UNC5D: variants seen among roughly 807,000 people sequenced by gnomAD.
UNC5D encodes unc-5 netrin receptor D.
UNC5D carries 39 observed loss-of-function variants against 105.4 expected under a neutral mutation model. The observed-to-expected ratio is 0.37, with a 90% CI of 0.29 to 0.48. The LOEUF is 0.48. Among genes scored for constraint, UNC5D ranks in the 20% least tolerant of loss-of-function variants. UNC5D has a pLI of 0.98. For missense variants in UNC5D, 991 were observed against 1,202.4 expected (o/e 0.82, Z 2.60); for synonymous variants, 452 against 450.4 (o/e 1.00, Z -0.04).
intron 1 of UNC5D, among the ~76,000 whole-genome samples, chr8:35,417,477 G>A (rs1344938749): frequency 6.6e-6 from 1 of 151,504 alleles, no homozygotes; most frequent in East Asian, 1.9e-4. Flanking sequence ...TGTGGCTAAG[G>A]AGTGGGCTGT....
intron 4 of UNC5D, among the ~76,000 whole-genome samples, chr8:35,616,172 C>T (rs1481640412): frequency 3.3e-5 from 5 of 152,186 alleles, no homozygotes; most frequent in Non-Finnish European, 7.3e-5. Flanking sequence ...AGAGGTCAAG[C>T]GGCTTACTCA....
At chr8:35,624,675 A>G (rs1297157399) in intron 4 of UNC5D, among the ~76,000 whole-genome samples, 1 of 152,220 alleles carries the variant, frequency 6.6e-6, no homozygotes, top group Non-Finnish European at 1.5e-5. Flanking sequence ...AATGAGTGGC[A>G]TACTACTTGA....
chr8:35,373,556 A>G (rs571823512), intron 1 of UNC5D, among the ~76,000 whole-genome samples: 1 of 152,168 alleles, frequency 6.6e-6, no homozygotes, highest in East Asian at 1.9e-4. Flanking sequence ...TGAAGGTTTA[A>G]TTACTATCTC....
chr8:35,692,293 C>G (rs535462347), intron 7 of UNC5D, among the ~76,000 whole-genome samples: 3 of 152,150 alleles, frequency 2.0e-5, no homozygotes, highest in African/African-American at 7.2e-5. Context: ...ATGACCTAGA[C>G]GAAGCACCTG....
intron 4 of UNC5D, among the ~76,000 whole-genome samples, chr8:35,629,648 A>G (rs569930345): frequency 1.3e-5 from 2 of 152,316 alleles, no homozygotes; most frequent in South Asian, 4.1e-4. Flanking sequence ...CCATTACACA[A>G]TATACCCACG....
At chr8:35,370,395 A>C (rs776135245) in intron 1 of UNC5D, among the ~76,000 whole-genome samples, 10 of 152,356 alleles carry the variant, frequency 6.6e-5, no homozygotes, top group Non-Finnish European at 1.3e-4. Flanking sequence ...CTTTAATATA[A>C]CATTTAACTA....
At chr8:35,600,327 A>C (rs1819780417) in intron 4 of UNC5D, among the ~76,000 whole-genome samples, 1 of 152,174 alleles carries the variant, frequency 6.6e-6, no homozygotes, top group Admixed American at 6.5e-5. Flanking sequence ...CAGTAATGGG[A>C]TGGCTGGTTG....
intron 2 of UNC5D, among the ~76,000 whole-genome samples, chr8:35,559,046 G>A (rs527281458): frequency 7.0e-4 from 107 of 152,050 alleles, no homozygotes; most frequent in Non-Finnish European, 1.1e-3. Context: ...CTCTCCCAGA[G>A]AACTGACCAA....
intron 1 of UNC5D, chr8:35,255,802 A>G (rs1169994130): frequency 1.3e-5 from 2 of 152,200 alleles, no homozygotes; most frequent in Non-Finnish European, 2.9e-5. Context: ...AGAAATAAAC[A>G]ATTACATGGA....
At chr8:35,513,886 G>C (rs1054957728) in intron 1 of UNC5D, among the ~76,000 whole-genome samples, 2 of 152,152 alleles carry the variant, frequency 1.3e-5, no homozygotes, top group Non-Finnish European at 2.9e-5. Context: ...CAGTAAACTG[G>C]CAATTTTGTT....
chr8:35,556,174 C>T (rs927054621), intron 2 of UNC5D, among the ~76,000 whole-genome samples: 1 of 152,008 alleles, frequency 6.6e-6, no homozygotes, highest in Non-Finnish European at 1.5e-5. Flanking sequence ...CAAGACTATC[C>T]CTCAAAATGA....
At chr8:35,679,662 C>T (rs778144353) in intron 4 of UNC5D, among the ~76,000 whole-genome samples, 3 of 152,160 alleles carry the variant, frequency 2.0e-5, no homozygotes, top group Non-Finnish European at 4.4e-5. Context: ...GGCGTGGTCT[C>T]ATCCCTTTGT....
chr8:35,416,206 A>G (rs1230155075), intron 1 of UNC5D, among the ~76,000 whole-genome samples: 9 of 152,246 alleles, frequency 5.9e-5, no homozygotes, highest in African/African-American at 2.2e-4. Flanking sequence ...AAAAAGGTGA[A>G]GCATAACCAT....
chr8:35,650,543 C>T (rs916652034), intron 4 of UNC5D, among the ~76,000 whole-genome samples: 3 of 152,182 alleles, frequency 2.0e-5, no homozygotes, highest in African/African-American at 7.2e-5. Flanking sequence ...TCTCGGCTCA[C>T]TGCAACATTT....
chr8:35,512,570 T>G, intron 1 of UNC5D, among the ~76,000 whole-genome samples: 1 of 49,932 alleles, frequency 2.0e-5, no homozygotes, highest in South Asian at 5.6e-4. Flanking sequence ...TATATATATA[T>G]CTGAATAGAT....
intron 4 of UNC5D, among the ~76,000 whole-genome samples, chr8:35,662,742 G>A (rs541718512): frequency 1.3e-5 from 2 of 152,274 alleles, no homozygotes; most frequent in South Asian, 4.2e-4. Flanking sequence ...GAGCGGTGAG[G>A]TTTTTACCAC....
At chr8:35,480,691 A>T (rs763638952) in intron 1 of UNC5D, among the ~76,000 whole-genome samples, 1 of 152,218 alleles carries the variant, frequency 6.6e-6, no homozygotes, top group Non-Finnish European at 1.5e-5. Context: ...TCTAGCAAGT[A>T]TGGGATAGAA....
At chr8:35,312,649 A>G (rs1808983521) in intron 1 of UNC5D, among the ~76,000 whole-genome samples, 1 of 152,154 alleles carries the variant, frequency 6.6e-6, no homozygotes, top group African/African-American at 2.4e-5. Context: ...CTTCATAACA[A>G]CTGATTAGCA....
At chr8:35,580,381 A>AT (rs1373374261) in intron 3 of UNC5D, among the ~76,000 whole-genome samples, 2 of 152,120 alleles carry the variant, frequency 1.3e-5, no homozygotes, top group South Asian at 2.1e-4. Flanking sequence ...AACTAGCTAC[A>AT]TTTTTTTCTG....
Sources: gnomAD v4.1 joint callset for allele counts (sites outside exome capture counted in the v4.1 genomes callset) on GRCh38, gnomAD v4.1.1 for gene constraint, MANE v1.5 for transcripts, NCBI Gene and HGNC (gene_info 2026-07-23, HGNC 2026-07-21) for gene names.